GLIS1: variants seen among roughly 807,000 people sequenced by gnomAD.
GLIS1 encodes GLIS family zinc finger 1.
GLIS1 carries 24 observed loss-of-function variants against 63.8 expected under a neutral mutation model. The observed-to-expected ratio is 0.38, with a 90% CI of 0.27 to 0.53. The LOEUF is 0.53. Among genes scored for constraint, GLIS1 ranks in the 20% least tolerant of loss-of-function variants. The pLI, the probability that GLIS1 is intolerant of heterozygous loss-of-function variation, is 0.85. For synonymous variants in GLIS1, 450 were observed against 482.5 expected, an observed-to-expected ratio of 0.93 and a Z score of 0.88; for missense variants, 1,036 against 1,074.1, an observed-to-expected ratio of 0.96 and a Z score of 0.50.
chr1:53,702,378 C>T lies in GLIS1; in HGVS notation c.259+35428G>A, dbSNP rs563061585. Among the ~76,000 whole-genome samples, 67 of 152,358 alleles carry T rather than the reference C, an allele frequency of 4.4e-4. 1 individual carries two copies. In the South Asian group the frequency reaches 7.5e-3, roughly 17 times the overall value. Reference sequence around the variant, plus strand: ...AGAAAGTGCTCAGAACAGTGGAAGACGCAGGGCAAGCATGCAGTACACATT... The same window carrying T: ...AGAAAGTGCTCAGAACAGTGGAAGATGCAGGGCAAGCATGCAGTACACATT... On this transcript the variant is annotated intron_variant, in intron 2 of 10. Transcript: ENST00000628545.
intron 2 of GLIS1, among the ~76,000 whole-genome samples, chr1:53,637,217 C>T (rs905902219): frequency 8.8e-6 from 1 of 113,550 alleles, no homozygotes; most frequent in African/African-American, 2.5e-5. Context: ...CAGAGCCCCA[C>T]AGGGGTCTGT....
intron 2 of GLIS1, among the ~76,000 whole-genome samples, chr1:53,606,026 C>G (rs1481629288): frequency 6.6e-6 from 1 of 152,222 alleles, no homozygotes; most frequent in African/African-American, 2.4e-5. Flanking sequence ...CTATTTGACC[C>G]TAGACAGTCA....
chr1:53,693,710 G>C (rs908072823), intron 2 of GLIS1, among the ~76,000 whole-genome samples: 2 of 152,162 alleles, frequency 1.3e-5, no homozygotes, highest in African/African-American at 4.8e-5. Context: ...CGGCACTGAA[G>C]AGGGGAGGGG....
intron 2 of GLIS1, among the ~76,000 whole-genome samples, chr1:53,658,345 G>C (rs1168822985): frequency 6.6e-6 from 1 of 152,186 alleles, no homozygotes; most frequent in Non-Finnish European, 1.5e-5. Context: ...CTCCTGATTT[G>C]TCTGCCCTGT....
At chr1:53,711,237 C>T (rs1242154519) in intron 2 of GLIS1, among the ~76,000 whole-genome samples, 2 of 152,142 alleles carry the variant, frequency 1.3e-5, no homozygotes, top group Non-Finnish European at 2.9e-5. Flanking sequence ...CAAGGCCACA[C>T]CAAGCGCTTG....
intron 2 of GLIS1, among the ~76,000 whole-genome samples, chr1:53,712,398 C>T (rs1424938261): frequency 6.6e-6 from 1 of 152,248 alleles, no homozygotes; most frequent in East Asian, 1.9e-4. Flanking sequence ...GCCTTCCTCC[C>T]TGCTCACCAT....
chr1:53,521,450 C>G (rs980485548), intron 6 of GLIS1, among the ~76,000 whole-genome samples: 2 of 152,140 alleles, frequency 1.3e-5, no homozygotes, highest in African/African-American at 4.8e-5. Flanking sequence ...CCTCTTCTTA[C>G]TCCCTGTGTA....
At chr1:53,644,369 T>C (rs1645819809) in intron 2 of GLIS1, among the ~76,000 whole-genome samples, 1 of 152,266 alleles carries the variant, frequency 6.6e-6, no homozygotes, top group African/African-American at 2.4e-5. Flanking sequence ...AATATTATTG[T>C]TATTCACAAA....
chr1:53,636,519 C>A (rs1049607093), intron 2 of GLIS1, among the ~76,000 whole-genome samples: 5 of 152,136 alleles, frequency 3.3e-5, no homozygotes, highest in Non-Finnish European at 4.4e-5. Flanking sequence ...TAGTAAAATG[C>A]TGAATAGATA....
chr1:53,600,323 C>A (rs1163424111), intron 2 of GLIS1, 45 bp from the exon 3 acceptor site: 1 of 1,205,594 alleles, frequency 8.3e-7, no homozygotes, highest in Non-Finnish European at 1.0e-6. Context: ...TGAGTGGGAA[C>A]AGCCTGCAGA....
intron 4 of GLIS1, among the ~76,000 whole-genome samples, chr1:53,587,103 T>A (rs1645143800): frequency 6.6e-6 from 1 of 152,000 alleles, no homozygotes; most frequent in South Asian, 2.1e-4. Context: ...GACAAAGGAA[T>A]CAGCAAAAGC....
chr1:53,657,087 C>T (rs963638322), intron 2 of GLIS1, among the ~76,000 whole-genome samples: 15 of 152,202 alleles, frequency 9.9e-5, no homozygotes, highest in African/African-American at 1.7e-4. Flanking sequence ...AGCTGGGTCC[C>T]TGTTTGCCAC....
chr1:53,651,795 G>T (rs903256015), intron 2 of GLIS1, among the ~76,000 whole-genome samples: 2 of 151,330 alleles, frequency 1.3e-5, no homozygotes, highest in African/African-American at 4.9e-5. Context: ...GATCGCTTGA[G>T]CCCAGGAGCT....
rs558545090 is a variant in GLIS1, at chr1:53,639,979, C to T, written c.260-39701G>A. Among the ~76,000 whole-genome samples, 6 of 152,332 alleles carry T rather than the reference C, an allele frequency of 3.9e-5. No individual in the cohort carries two copies. The highest frequency in any genetic ancestry group is 2.1e-4 in the South Asian group (1 of 4,822). ...ACAGGGATACTACACTTAACAAACA[C>T]GAGCATGGTGAGATTTAAATATATA... On this transcript the variant is annotated intron_variant, in intron 2 of 10. Transcript: ENST00000628545. This position sits in a 1 kb window ranked among gnomAD's most constrained non-coding sequence, Gnocchi z 4.6.
At chr1:53,563,220 G>A (rs909031850) in intron 4 of GLIS1, among the ~76,000 whole-genome samples, 2 of 152,224 alleles carry the variant, frequency 1.3e-5, no homozygotes, top group African/African-American at 4.8e-5. Context: ...AAACACATGA[G>A]GCAAGAAGAG....
At chr1:53,537,551 G>A (rs1395995812) in intron 4 of GLIS1, among the ~76,000 whole-genome samples, 1 of 152,170 alleles carries the variant, frequency 6.6e-6, no homozygotes, top group Non-Finnish European at 1.5e-5. Flanking sequence ...TTCTGTCCTC[G>A]TTTTTCTCTT....
chr1:53,712,840 C>A (rs939125759), intron 2 of GLIS1, among the ~76,000 whole-genome samples: 1 of 152,152 alleles, frequency 6.6e-6, no homozygotes, highest in African/African-American at 2.4e-5. Flanking sequence ...TGGGCTACAA[C>A]ACGGACTCTC....
chr1:53,546,134 G>A (rs1412381886), intron 4 of GLIS1, among the ~76,000 whole-genome samples: 2 of 152,212 alleles, frequency 1.3e-5, no homozygotes, highest in Non-Finnish European at 2.9e-5. Flanking sequence ...GTGCCTCCTC[G>A]CAGGGTGACG....
rs1013841781 is a variant in GLIS1 at position 53,598,973 on chromosome 1, A to G, written c.437+1128T>C. 6.6e-6 allele frequency among the ~76,000 whole-genome samples: 1 copy of G among 152,186 alleles called. No individual in the cohort carries two copies. Among genetic ancestry groups the G allele is most frequent in the Non-Finnish European group, 1.5e-5 (1 of 68,034 alleles). On this transcript the variant is annotated intron_variant, in intron 3 of 10. Transcript: ENST00000628545. This position sits in a 1 kb window ranked among gnomAD's most constrained non-coding sequence, Gnocchi z 4.6. ...CACCGACCACAGTGCCTGGCACATG[A>G]CAGGCACTTGACAAATGGCTGGTGA...
Sources: allele counts gnomAD v4.1 joint callset (sites outside exome capture counted in the v4.1 genomes callset), GRCh38; gene constraint gnomAD v4.1.1; non-coding constraint Gnocchi (gnomAD v3.1); transcripts MANE v1.5; gene names NCBI Gene and HGNC (gene_info 2026-07-23, HGNC 2026-07-21).